The following SPAST variants were observed in gnomAD, a reference collection of about 807,000 sequenced individuals.
SPAST encodes spastin.
A neutral mutation model predicts 76.6 loss-of-function variants in SPAST; 30 were observed. The observed-to-expected ratio is 0.39, with a 90% confidence interval of 0.29 to 0.53. The LOEUF (loss-of-function observed/expected upper bound fraction) is 0.53. Among genes scored for constraint, SPAST ranks in the 20% least tolerant of loss-of-function variants. The probability of loss-of-function intolerance (pLI) is 0.68; values close to 1 mark genes in which losing one functional copy is unlikely to be tolerated. For synonymous variants in SPAST, 305 were observed against 281.0 expected, an observed-to-expected ratio of 1.09 and a Z score of -0.86; for missense variants, 717 against 770.5, an observed-to-expected ratio of 0.93 and a Z score of 0.82.
intron 4 of SPAST, among the ~76,000 whole-genome samples, chr2:32,108,401 T>C (rs1437762019): frequency 6.6e-6 from 1 of 152,176 alleles, no homozygotes; most frequent in East Asian, 1.9e-4. Context: ...GCTTTAACTC[T>C]TTTTGCTATT....
chr2:32,104,812 A>G (rs1357466622), intron 4 of SPAST, among the ~76,000 whole-genome samples: 3 of 152,336 alleles, frequency 2.0e-5, no homozygotes, highest in Admixed American at 6.5e-5. Context: ...AGTTTCTGCC[A>G]AGAGATCAGC....
intron 1 of SPAST, among the ~76,000 whole-genome samples, chr2:32,086,572 T>G (rs897277714): frequency 2.0e-5 from 3 of 151,702 alleles, no homozygotes; most frequent in Non-Finnish European, 2.9e-5. Flanking sequence ...CTGGCCAACA[T>G]GGTGAAAACC....
Position 32,064,079 on chromosome 2 carries a change from C to T in SPAST, c.248C>T (p.Ser83Phe). 5 of 1,612,386 alleles carry T rather than the reference C, an allele frequency of 3.1e-6. No individual in the cohort carries two copies. Among genetic ancestry groups the T allele is most frequent in the Non-Finnish European group, 4.2e-6 (5 of 1,179,240 alleles). ...LLFVWLCQRF[S>F]RALMAAKRSS... is the part of the protein sequence containing the mutation. ...TTCGTGTGGCTCTGCCAGCGCTTCTCCCGCGCCCTCATGGCAGCCAAGAGG... is the reference window on the plus strand; with the variant it reads ...TTCGTGTGGCTCTGCCAGCGCTTCTTCCGCGCCCTCATGGCAGCCAAGAGG... Residue 83 changes from serine (S) to phenylalanine (F), a missense_variant, in exon 1 of 17, where the codon TCC becomes TTC. By Grantham distance (155) the Ser-to-Phe change is radical. Around this residue, in one of 3 missense-constraint regions of SPAST, gnomAD observed 543 missense variants for 445.2 expected, o/e 1.22. Transcript: ENST00000315285.
intron 4 of SPAST, among the ~76,000 whole-genome samples, chr2:32,104,623 A>T (rs1226115764): frequency 2.0e-5 from 3 of 152,116 alleles, no homozygotes; most frequent in African/African-American, 7.2e-5. Context: ...TGCTTCCTTC[A>T]GGAGCTCCTG....
intron 7 of SPAST, among the ~76,000 whole-genome samples, chr2:32,121,959 T>G (rs1213325669): frequency 6.6e-6 from 1 of 152,244 alleles, no homozygotes; most frequent in Non-Finnish European, 1.5e-5. Context: ...CTTTTTGCCT[T>G]AAGCTTTTTC....
Position 32,157,457 on chromosome 2 carries a change from T to C in SPAST, c.*2961T>C, listed in dbSNP as rs1474998107. Reference sequence around the variant, plus strand: ...ATATTTTGTACAAAAACTAATTCTTTTGGTAAAATGAACCATTTACAGTTC... The same window carrying C: ...ATATTTTGTACAAAAACTAATTCTTCTGGTAAAATGAACCATTTACAGTTC... On this transcript the variant is annotated 3_prime_UTR_variant, in exon 17 of 17. Transcript: ENST00000315285. 6.6e-6 allele frequency: 1 copy of C among 152,628 alleles called. No individual in the cohort carries two copies. Among genetic ancestry groups the C allele is most frequent in the Non-Finnish European group, 1.5e-5 (1 of 68,022 alleles). 9.5% of individuals were successfully genotyped at this position (152,628 alleles called of 1,614,324 possible). A position where few individuals can be genotyped will look rare whatever the true frequency, so the allele number is the denominator to read the frequency against.
intron 1 of SPAST, among the ~76,000 whole-genome samples, chr2:32,075,347 A>G (rs1231205401): frequency 6.7e-6 from 1 of 148,388 alleles, no homozygotes; most frequent in Non-Finnish European, 1.5e-5. Flanking sequence ...AGTGGCGAGA[A>G]CCCAGGAGAC....
intron 9 of SPAST, 160 bp downstream of exon 9, chr2:32,128,639 T>A: frequency 1.6e-6 from 1 of 644,740 alleles, no homozygotes; most frequent in South Asian, 1.7e-5. Flanking sequence ...GAGTAGAAAG[T>A]TATGTACATT....
intron 1 of SPAST, among the ~76,000 whole-genome samples, chr2:32,082,979 A>ATT (rs575438245): frequency 6.7e-6 from 1 of 149,286 alleles, no homozygotes; most frequent in South Asian, 2.1e-4. Context: ...TAATTAATTA[A>ATT]TTTTTTTTTT....
At chr2:32,129,519 A>G (rs1679302877) in intron 9 of SPAST, 1 of 152,210 alleles carries the variant, frequency 6.6e-6, no homozygotes, top group South Asian at 2.1e-4. Flanking sequence ...GCATAACTAC[A>G]GTGCTTAAAG....
In SPAST at chr2:32,083,232, A is replaced by G. The variant is rs372515766; in HGVS notation, c.416-4260A>G. On this transcript the variant is annotated intron_variant, in intron 1 of 16. Coordinates refer to ENST00000315285, the MANE Select transcript of SPAST (RefSeq NM_014946.4). ...TGGTCTCCCAAAATGCTGGGATTAC[A>G]GGTGTGAGCCACCATGCCCATCCTC... Among the ~76,000 whole-genome samples the G allele has an allele frequency of 4.0e-4, 61 of 152,250 alleles. No individual in the cohort carries two copies. The South Asian group carries it at 0.012, about 31-fold the overall frequency.
intron 1 of SPAST, among the ~76,000 whole-genome samples, chr2:32,083,052 A>T (rs1176724535): frequency 6.6e-6 from 1 of 151,876 alleles, no homozygotes; most frequent in African/African-American, 2.4e-5. Flanking sequence ...GCTCACTGCA[A>T]CCTCTGCCTC....
chr2:32,076,688 T>G (rs968520163), intron 1 of SPAST, among the ~76,000 whole-genome samples: 23 of 146,382 alleles, frequency 1.6e-4, no homozygotes, highest in Non-Finnish European at 1.0e-4. Flanking sequence ...TACCAGGAGA[T>G]TTTTTTTTTT....
chr2:32,082,216 C>T (rs1484510326), intron 1 of SPAST, among the ~76,000 whole-genome samples: 2 of 149,980 alleles, frequency 1.3e-5, no homozygotes, highest in Non-Finnish European at 3.0e-5. Context: ...TGGTCTCGAA[C>T]TCCTGACCCC....
chr2:32,129,998 C>T (rs930865885), intron 9 of SPAST: 6 of 152,630 alleles, frequency 3.9e-5, no homozygotes, highest in African/African-American at 1.5e-4. Flanking sequence ...GACCCTGTCT[C>T]AAAGAAACAA....
At chr2:32,120,608 T>C (rs1678986765) in intron 7 of SPAST, among the ~76,000 whole-genome samples, 2 of 149,032 alleles carry the variant, frequency 1.3e-5, no homozygotes, top group Non-Finnish European at 3.0e-5. Flanking sequence ...TACCTTTTCC[T>C]GGAACCACCT....
In SPAST at chr2:32,081,146, A is replaced by G. The variant is rs577482211; in HGVS notation, c.416-6346A>G. Among the ~76,000 whole-genome samples the G allele has an allele frequency of 6.6e-5, 10 of 151,978 alleles. 1 individual carries two copies. Among genetic ancestry groups the G allele is most frequent in the Middle Eastern group, 6.8e-3 (2 of 294 alleles). ...GCTAATTTTTCTGTTTTTAGTAGAG[A>G]TGGGGTTTCACCATCTTGGCCAGGC... On this transcript the variant is annotated intron_variant, in intron 1 of 16. Coordinates refer to ENST00000315285, the MANE Select transcript of SPAST (RefSeq NM_014946.4).
intron 1 of SPAST, among the ~76,000 whole-genome samples, chr2:32,076,049 C>A (rs1043599817): frequency 6.6e-6 from 1 of 151,390 alleles, no homozygotes; most frequent in Non-Finnish European, 1.5e-5. Flanking sequence ...TACAGGTACG[C>A]GCCACCACGC....
intron 16 of SPAST, among the ~76,000 whole-genome samples, chr2:32,150,951 C>CTTTTTTTTTTTTTTT (rs113065520): frequency 1.4e-5 from 2 of 143,394 alleles, no homozygotes; most frequent in African/African-American, 2.6e-5. Context: ...CTACTGTATA[C>CTTTTTTTTTTTTTTT]TTTTTTTTTT....
Sources: allele counts gnomAD v4.1 joint callset (sites outside exome capture counted in the v4.1 genomes callset), GRCh38; gene constraint gnomAD v4.1.1; regional missense constraint gnomAD v4.1.1; transcripts MANE v1.5; gene names NCBI Gene and HGNC (gene_info 2026-07-23, HGNC 2026-07-21).